The following EYS variants were observed in gnomAD, a reference collection of about 807,000 sequenced individuals.
The protein encoded by EYS is protein eyes shut homolog.
In EYS, 250 loss-of-function variants were observed where a neutral mutation model predicts 282.1. The observed-to-expected ratio is 0.89, with a 90% CI of 0.80 to 0.98. EYS has a LOEUF of 0.98. Among genes scored for constraint, EYS ranks in the 50% least tolerant of loss-of-function variants. The probability of loss-of-function intolerance (pLI) is 0.00; values close to 1 mark genes in which losing one functional copy is unlikely to be tolerated. For synonymous variants in EYS, 1,355 were observed against 1,282.9 expected, an observed-to-expected ratio of 1.06 and a Z score of -1.20; for missense variants, 4,016 against 3,709.0, an observed-to-expected ratio of 1.08 and a Z score of -2.15.
intron 22 of EYS, among the ~76,000 whole-genome samples, chr6:64,629,482 C>T (rs1381829568): frequency 6.6e-6 from 1 of 152,074 alleles, no homozygotes; most frequent in Non-Finnish European, 1.5e-5. Context: ...AATATCTTAA[C>T]AATACTGAGT....
intron 22 of EYS, among the ~76,000 whole-genome samples, chr6:64,726,803 A>G (rs1771772794): frequency 6.6e-6 from 1 of 152,184 alleles, no homozygotes; most frequent in Non-Finnish European, 1.5e-5. Context: ...ATTCCTGTAG[A>G]ACGAAAACAA....
At chr6:64,268,399 G>A (rs1438416375) in intron 30 of EYS, among the ~76,000 whole-genome samples, 2 of 152,026 alleles carry the variant, frequency 1.3e-5, no homozygotes, top group East Asian at 3.9e-4. Flanking sequence ...AGGTGGGAGA[G>A]AGAATCACTT....
chr6:64,741,867 G>A (rs1446423752), intron 22 of EYS, among the ~76,000 whole-genome samples: 1 of 152,158 alleles, frequency 6.6e-6, no homozygotes, highest in Non-Finnish European at 1.5e-5. Context: ...TGTCATACCT[G>A]GTTTGATCTT....
At position 65,385,891 on chromosome 6, in the gene EYS, G is replaced by A. The variant is rs987876202; in HGVS notation, c.1185-1391C>T. On this transcript the variant is annotated intron_variant, in intron 7 of 42. Coordinates refer to ENST00000503581, the MANE Select transcript of EYS (RefSeq NM_001142800.2). ...TAGCAACCCTTCCTATTGAGGATGA[G>A]CATGTAATAGCATAGAGAAGAAGAG... Among the ~76,000 whole-genome samples the A allele has an allele frequency of 3.3e-5, 5 of 152,008 alleles. No homozygotes were observed. The East Asian group carries it at 7.8e-4, about 24-fold the overall frequency.
At chr6:65,363,552 T>C (rs1171373929) in intron 8 of EYS, among the ~76,000 whole-genome samples, 1 of 151,936 alleles carries the variant, frequency 6.6e-6, no homozygotes, top group African/African-American at 2.4e-5. Flanking sequence ...TAGACAGACA[T>C]ACTTGATAAC....
intron 33 of EYS, among the ~76,000 whole-genome samples, chr6:64,055,513 C>T (rs1347438207): frequency 6.6e-6 from 1 of 152,070 alleles, no homozygotes; most frequent in Non-Finnish European, 1.5e-5. Flanking sequence ...CAGGATTCTG[C>T]CTTTTACGTG....
intron 22 of EYS, among the ~76,000 whole-genome samples, chr6:64,686,217 A>G (rs1770094392): frequency 1.3e-5 from 2 of 152,012 alleles, no homozygotes; most frequent in African/African-American, 4.8e-5. Flanking sequence ...TCCTATCTGT[A>G]AGAAGATAGA....
In EYS at chr6:64,676,351, T is replaced by TATATAGAG. The variant is rs1554192088; in HGVS notation, c.3444-50107_3444-50106insCTCTATAT. 8.4e-4 allele frequency among the ~76,000 whole-genome samples: 122 copies of TATATAGAG among 145,460 alleles called. No individual in the cohort carries two copies. In the East Asian group the frequency reaches 0.01, roughly 12 times the overall value. On this transcript the variant is annotated intron_variant, in intron 22 of 42. Transcript: ENST00000503581. ...ATATCTATATATCTATATATATATA[T>TATATAGAG]AGAGAGAGAGAGGGAGAGAAAGAGG...
intron 31 of EYS, among the ~76,000 whole-genome samples, chr6:64,208,015 C>T (rs1488490898): frequency 6.6e-6 from 1 of 152,112 alleles, no homozygotes; most frequent in Non-Finnish European, 1.5e-5. Context: ...ATGTACAGAT[C>T]TCAAAATTTT....
At chr6:65,668,053 T>C (rs923536) in intron 1 of EYS, among the ~76,000 whole-genome samples, 66,972 of 151,658 alleles carry the variant, frequency 0.44, 16,121 homozygotes, top group East Asian at 0.65. Flanking sequence ...CAATTCATCA[T>C]GAAATAGTTT....
At chr6:65,534,925 T>G (rs1461207427) in intron 2 of EYS, among the ~76,000 whole-genome samples, 1 of 152,160 alleles carries the variant, frequency 6.6e-6, no homozygotes, top group Non-Finnish European at 1.5e-5. Context: ...TGTTTCTGTT[T>G]TCACATTTCA....
At chr6:64,051,621 T>C (rs1770812933) in intron 33 of EYS, among the ~76,000 whole-genome samples, 1 of 152,180 alleles carries the variant, frequency 6.6e-6, no homozygotes, top group Non-Finnish European at 1.5e-5. Flanking sequence ...TAAGATTCTG[T>C]GATCTTTGTG....
intron 5 of EYS, among the ~76,000 whole-genome samples, chr6:65,452,643 A>C (rs1764447786): frequency 6.6e-6 from 1 of 152,090 alleles, no homozygotes; most frequent in Non-Finnish European, 1.5e-5. Flanking sequence ...AAGTCAATGG[A>C]CATTGTCCCT....
chr6:64,037,063 A>G (rs2149834400), intron 33 of EYS, among the ~76,000 whole-genome samples: 1 of 152,320 alleles, frequency 6.6e-6, no homozygotes, highest in South Asian at 2.1e-4. Context: ...ATAATAGGCA[A>G]CTAAGTGGAA....
intron 12 of EYS, among the ~76,000 whole-genome samples, chr6:65,102,289 TTAA>T (rs1326811925): frequency 3.3e-5 from 5 of 151,466 alleles, no homozygotes; most frequent in African/African-American, 1.2e-4. Context: ...TACATTAATA[TTAA>T]TTTATATCTC....
At chr6:65,180,179 C>T (rs1403655695) in intron 12 of EYS, among the ~76,000 whole-genome samples, 1 of 152,044 alleles carries the variant, frequency 6.6e-6, no homozygotes, top group Non-Finnish European at 1.5e-5. Context: ...CACTCCTATT[C>T]AACATACTGT....
intron 1 of EYS, among the ~76,000 whole-genome samples, chr6:65,698,322 T>A (rs1205789991): frequency 6.6e-6 from 1 of 152,176 alleles, no homozygotes; most frequent in African/African-American, 2.4e-5. Flanking sequence ...GAAGTTTTTG[T>A]CATAATGCAG....
At chr6:64,946,296 G>T (rs1769287463) in intron 14 of EYS, among the ~76,000 whole-genome samples, 1 of 151,958 alleles carries the variant, frequency 6.6e-6, no homozygotes, top group Non-Finnish European at 1.5e-5. Context: ...TAGCTCACAA[G>T]TTAAAAATAC....
chr6:65,424,435 T>C (rs1449240573), intron 5 of EYS, among the ~76,000 whole-genome samples: 2 of 152,020 alleles, frequency 1.3e-5, no homozygotes, highest in Non-Finnish European at 2.9e-5. Context: ...GCTTCCTTTG[T>C]TACTTCCTTT....
Sources: gnomAD v4.1 joint callset for allele counts (sites outside exome capture counted in the v4.1 genomes callset) on GRCh38, gnomAD v4.1.1 for gene constraint, MANE v1.5 for transcripts, NCBI Gene and HGNC (gene_info 2026-07-23, HGNC 2026-07-21) for gene names.